SSH1: variants seen among roughly 807,000 people sequenced by gnomAD.
SSH1 encodes the protein slingshot protein phosphatase 1.
A neutral mutation model predicts 79.7 loss-of-function variants in SSH1; 43 were observed. That is an observed-to-expected ratio of 0.54 (90% CI 0.42 to 0.70). The LOEUF is 0.70. Among genes scored for constraint, SSH1 ranks in the 30% least tolerant of loss-of-function variants. The pLI is 0.00. For synonymous variants in SSH1, 599 were observed against 538.3 expected (o/e 1.11, Z -1.56); for missense variants, 1,206 against 1,358.8 (o/e 0.89, Z 1.77).
At chr12:108,836,115 G>A (rs1442446474) in intron 2 of SSH1, among the ~76,000 whole-genome samples, 3 of 148,742 alleles carry the variant, frequency 2.0e-5, no homozygotes, top group African/African-American at 7.4e-5. Flanking sequence ...TATGCATAAT[G>A]TTAATATTTA....
intron 5 of SSH1, among the ~76,000 whole-genome samples, chr12:108,814,129 C>T (rs1250885307): frequency 6.6e-6 from 1 of 152,002 alleles, no homozygotes; most frequent in Non-Finnish European, 1.5e-5. Flanking sequence ...GAGACTGAGG[C>T]AGGAGAATCG....
intron 2 of SSH1, chr12:108,827,370 A>G (rs1324709890): frequency 5.2e-6 from 8 of 1,538,050 alleles, no homozygotes; most frequent in Non-Finnish European, 6.1e-6. Context: ...TCACATCTCT[A>G]ACGCTCCCTA....
intron 4 of SSH1, 34 bp from the exon 5 acceptor site, chr12:108,817,193 C>T (rs2037928411): frequency 6.2e-7 from 1 of 1,611,512 alleles, no homozygotes. Context: ...CACTAACCTG[C>T]CTTTGGAGGT....
chr12:108,800,248 G>A (rs1437012078), intron 12 of SSH1, among the ~76,000 whole-genome samples: 1 of 152,124 alleles, frequency 6.6e-6, no homozygotes. Flanking sequence ...TGAAACCGCT[G>A]ACGGGCTCAG....
rs191762521 is a variant in SSH1, at chr12:108,792,035, T to C, written c.1893+251A>G. 2.9e-5 allele frequency: 42 copies of C among 1,434,914 alleles called. 2 individuals are homozygous for C. In the Admixed American group the frequency reaches 1.1e-3, roughly 38 times the overall value. 88.9% of individuals were successfully genotyped at this position (1,434,914 alleles called of 1,614,324 possible). The stretch of plus-strand genomic sequence containing the variant: ...GGGGTGAAGATGGTGTGCAGAGATA[T>C]GTGTTATTCCCAACAGATTCTCAAT... On this transcript the variant is annotated intron_variant, in intron 14 of 14. Coordinates refer to ENST00000326495, the MANE Select transcript of SSH1 (RefSeq NM_018984.4).
chr12:108,831,421 T>C (rs186805331), intron 2 of SSH1, among the ~76,000 whole-genome samples: 143 of 152,366 alleles, frequency 9.4e-4, no homozygotes, highest in Middle Eastern at 3.4e-3. Context: ...GTGTCTATTG[T>C]GTCCGGTCAG....
At position 108,806,550 on chromosome 12, in the gene SSH1, G is replaced by C. The variant is rs564011148; in HGVS notation, c.732-156C>G. ...ATGTTCTCAGGCAGCAGGGAGAGGT[G>C]CACAGAAAACCCGCTGCAGCTCTAG... On this transcript the variant is annotated intron_variant, in intron 8 of 14. Transcript: ENST00000326495. 2.4e-3 allele frequency among the ~76,000 whole-genome samples: 362 copies of C among 152,310 alleles called. 3 individuals are homozygous for C. Among genetic ancestry groups the C allele is most frequent in the Middle Eastern group, 3.4e-3 (1 of 294 alleles).
intron 3 of SSH1, among the ~76,000 whole-genome samples, chr12:108,818,825 C>G (rs1479451934): frequency 2.0e-5 from 3 of 152,200 alleles, no homozygotes; most frequent in Non-Finnish European, 2.9e-5. Context: ...ACGATCTCAG[C>G]TCACTGCAAC....
intron 1 of SSH1, among the ~76,000 whole-genome samples, chr12:108,854,998 A>T (rs2137302737): frequency 1.3e-5 from 2 of 152,362 alleles, no homozygotes; most frequent in Middle Eastern, 6.8e-3. Flanking sequence ...TGCTATGATC[A>T]AATAAAAGCT....
At chr12:108,833,936 GCCGCTAAC>G (rs1355978395) in intron 2 of SSH1, 1 of 152,292 alleles carries the variant, frequency 6.6e-6, no homozygotes, top group African/African-American at 2.4e-5. Context: ...ACTCTGCACA[GCCGCTAAC>G]CATTGCTCTC....
chr12:108,827,800 G>A (rs1346855601), intron 2 of SSH1, among the ~76,000 whole-genome samples: 3 of 152,180 alleles, frequency 2.0e-5, no homozygotes, highest in Non-Finnish European at 4.4e-5. Flanking sequence ...TTTACCCAAC[G>A]GTGACGGTGA....
intron 2 of SSH1, among the ~76,000 whole-genome samples, chr12:108,824,385 T>G (rs568692650): frequency 2.0e-5 from 3 of 151,224 alleles, no homozygotes; most frequent in South Asian, 2.1e-4. Flanking sequence ...GGGACGGAGG[T>G]TGGAGTGAGC....
chr12:108,842,636 G>A (rs1015647127), intron 2 of SSH1, among the ~76,000 whole-genome samples: 3 of 152,314 alleles, frequency 2.0e-5, no homozygotes, highest in African/African-American at 7.2e-5. Context: ...TAGTGATGCC[G>A]CTAATGGCTC....
At chr12:108,835,859 T>C (rs998326956) in intron 2 of SSH1, among the ~76,000 whole-genome samples, 3 of 134,924 alleles carry the variant, frequency 2.2e-5, no homozygotes, top group African/African-American at 8.4e-5. Context: ...TTATGATATA[T>C]AGCATATATA....
intron 14 of SSH1, chr12:108,791,906 TA>T: frequency 1.5e-6 from 2 of 1,294,890 alleles, no homozygotes; most frequent in Non-Finnish European, 2.0e-6. Flanking sequence ...AATAGTCATA[TA>T]TCGATAAAGG....
intron 3 of SSH1, 99 bp downstream of exon 3, chr12:108,823,159 C>T: frequency 8.4e-7 from 1 of 1,187,920 alleles, no homozygotes; most frequent in Admixed American, 2.0e-5. Context: ...TCCACTATGT[C>T]TAAGGCCTTC....
chr12:108,818,706 C>T (rs1367584724), intron 3 of SSH1, among the ~76,000 whole-genome samples: 1 of 152,208 alleles, frequency 6.6e-6, no homozygotes, highest in Non-Finnish European at 1.5e-5. Flanking sequence ...AAGGCATTTG[C>T]TAAGAGTTAA....
chr12:108,853,061 C>A, intron 1 of SSH1: 1 of 985,348 alleles, frequency 1.0e-6, no homozygotes, highest in Non-Finnish European at 1.2e-6. Context: ...TAAAGAGAAT[C>A]CACTTCCTCC....
chr12:108,845,503 C>T (rs2038879421), intron 2 of SSH1, among the ~76,000 whole-genome samples: 1 of 152,128 alleles, frequency 6.6e-6, no homozygotes, highest in African/African-American at 2.4e-5. Context: ...ACCTGCCCGA[C>T]ATGATGAAAC....
Sources: allele counts gnomAD v4.1 joint callset (sites outside exome capture counted in the v4.1 genomes callset), GRCh38; gene constraint gnomAD v4.1.1; transcripts MANE v1.5; gene names NCBI Gene and HGNC (gene_info 2026-07-23, HGNC 2026-07-21).